IL1RAPL1: variants seen among roughly 807,000 people sequenced by gnomAD.
IL1RAPL1 encodes the protein interleukin 1 receptor accessory protein like 1.
A neutral mutation model predicts 48.4 loss-of-function variants in IL1RAPL1; 3 were observed. The ratio of observed to expected loss-of-function variants is 0.06; its 90% CI spans 0.03 to 0.16. The LOEUF (loss-of-function observed/expected upper bound fraction) is 0.16. Among genes scored for constraint, IL1RAPL1 ranks in the 10% least tolerant of loss-of-function variants. The probability of loss-of-function intolerance (pLI) is 1.00; values close to 1 mark genes in which losing one functional copy is unlikely to be tolerated. For missense variants in IL1RAPL1, 349 were observed against 530.6 expected, an observed-to-expected ratio of 0.66 and a Z score of 3.36; for synonymous variants, 185 against 187.7, an observed-to-expected ratio of 0.99 and a Z score of 0.12.
chrX:29,218,078 AT>A (rs1272455317), intron 2 of IL1RAPL1, among the ~76,000 whole-genome samples: 1 of 111,604 alleles, frequency 9.0e-6, no homozygotes, highest in Non-Finnish European at 1.9e-5. Flanking sequence ...AAAAAATCTC[AT>A]TTGTTTCCTC....
chrX:29,903,219 CTCTTT>C (rs756795222), intron 6 of IL1RAPL1, among the ~76,000 whole-genome samples: 7 of 98,721 alleles, frequency 7.1e-5, no homozygotes, highest in Non-Finnish European at 1.3e-4. Flanking sequence ...AGAAATTCTT[CTCTTT>C]TTTCATTTCT....
intron 1 of IL1RAPL1, among the ~76,000 whole-genome samples, chrX:28,608,961 A>G (rs1281298183): frequency 8.9e-6 from 1 of 112,463 alleles, no homozygotes; most frequent in African/African-American, 3.2e-5. Context: ...TAAAGAATGA[A>G]ATAAAGTTAC....
chrX:29,498,228 C>T (rs1038576821), intron 5 of IL1RAPL1, among the ~76,000 whole-genome samples: 3 of 111,777 alleles, frequency 2.7e-5, no homozygotes, highest in Non-Finnish European at 5.6e-5. Flanking sequence ...TAGTCCCTCT[C>T]TATGGTATGC....
chrX:28,857,695 A>C (rs1336025002), intron 2 of IL1RAPL1, among the ~76,000 whole-genome samples: 1 of 111,432 alleles, frequency 9.0e-6, no homozygotes, highest in Non-Finnish European at 1.9e-5. Context: ...TTTCTTTCAA[A>C]ATATTACTGC....
intron 5 of IL1RAPL1, among the ~76,000 whole-genome samples, chrX:29,552,619 A>G (rs1318772927): frequency 1.8e-5 from 2 of 111,323 alleles, no homozygotes; most frequent in Non-Finnish European, 3.8e-5. Context: ...GTTTTACCAA[A>G]TTGAATGTTT....
At chrX:29,774,866 T>A (rs574284536) in intron 6 of IL1RAPL1, among the ~76,000 whole-genome samples, 1 of 112,425 alleles carries the variant, frequency 8.9e-6, no homozygotes, top group South Asian at 3.7e-4. Context: ...TTAAAATGCT[T>A]GAAAATCAAC....
chrX:29,015,160 A>G (rs1176704378), intron 2 of IL1RAPL1, among the ~76,000 whole-genome samples: 3 of 111,243 alleles, frequency 2.7e-5, no homozygotes, highest in Non-Finnish European at 5.7e-5. Flanking sequence ...TTGATTCTAA[A>G]CTATAGCTAA....
chrX:29,778,646 G>C, intron 6 of IL1RAPL1, among the ~76,000 whole-genome samples: 1 of 111,949 alleles, frequency 8.9e-6, no homozygotes, highest in Non-Finnish European at 1.9e-5. Flanking sequence ...TTTATTAGTT[G>C]ATGCCAGAAA....
chrX:28,838,636 G>A (rs976938402), intron 2 of IL1RAPL1, among the ~76,000 whole-genome samples: 1 of 109,850 alleles, frequency 9.1e-6, no homozygotes, highest in African/African-American at 3.3e-5. Flanking sequence ...AAACAAACTC[G>A]GGTTTTTGTC....
chrX:29,655,649 TC>T lies in IL1RAPL1; in HGVS notation c.704-12779del, dbSNP rs1253281723. Among the ~76,000 whole-genome samples, 136 of 46,281 alleles carry T rather than the reference TC, an allele frequency of 2.9e-3. 2 individuals are homozygous for T. The highest frequency in any genetic ancestry group is 0.012 in the African/African-American group (128 of 10,576). The allele number at this position is 46,281 out of a possible 115,157, so 40.2% of individuals were successfully genotyped here. ...CTGCACTCCAGCGTGGGTGACAGTCTCCAAAAAAAAAAAAAAAAAAAAAAAA... is the reference window on the plus strand; with the variant it reads ...CTGCACTCCAGCGTGGGTGACAGTCTCAAAAAAAAAAAAAAAAAAAAAAAA... On this transcript the variant is annotated intron_variant, in intron 5 of 10. Coordinates refer to ENST00000378993, the MANE Select transcript of IL1RAPL1 (RefSeq NM_014271.4).
At chrX:29,463,737 T>C (rs1315832172) in intron 5 of IL1RAPL1, among the ~76,000 whole-genome samples, 1 of 111,801 alleles carries the variant, frequency 8.9e-6, no homozygotes, top group Admixed American at 9.5e-5. Flanking sequence ...CTCCACTTAA[T>C]AGAATAAAGT....
At chrX:29,404,150 A>G (rs915198083) in intron 5 of IL1RAPL1, among the ~76,000 whole-genome samples, 87 of 112,221 alleles carry the variant, frequency 7.8e-4, no homozygotes, top group African/African-American at 2.7e-3. Context: ...AGTGTCATGT[A>G]TTCATAATTA....
At chrX:29,803,198 T>C (rs1298231042) in intron 6 of IL1RAPL1, among the ~76,000 whole-genome samples, 2 of 21,708 alleles carry the variant, frequency 9.2e-5, no homozygotes, top group Admixed American at 7.5e-4. Context: ...TATGTATACA[T>C]ATACACACAT....
chrX:28,775,817 C>CA (rs777092285), intron 1 of IL1RAPL1, among the ~76,000 whole-genome samples: 1 of 111,998 alleles, frequency 8.9e-6, no homozygotes, highest in Non-Finnish European at 1.9e-5. Flanking sequence ...TATGGCCTTT[C>CA]CATATGTTTT....
intron 2 of IL1RAPL1, among the ~76,000 whole-genome samples, chrX:29,224,865 T>A (rs1005152976): frequency 4.5e-5 from 5 of 112,295 alleles, no homozygotes; most frequent in African/African-American, 9.7e-5. Context: ...AAGTTAAAAC[T>A]TTTTTATGAG....
intron 6 of IL1RAPL1, among the ~76,000 whole-genome samples, chrX:29,888,828 G>A (rs1325760587): frequency 1.8e-5 from 2 of 111,392 alleles, no homozygotes; most frequent in Non-Finnish European, 3.8e-5. Context: ...AATCTGAATC[G>A]AGTGACTGGT....
At chrX:29,179,230 A>G (rs1368515134) in intron 2 of IL1RAPL1, among the ~76,000 whole-genome samples, 1 of 111,492 alleles carries the variant, frequency 9.0e-6, no homozygotes, top group African/African-American at 3.3e-5. Context: ...ACCCATGAGC[A>G]TGGAATGTTC....
At chrX:28,858,879 A>G (rs1404065600) in intron 2 of IL1RAPL1, among the ~76,000 whole-genome samples, 1 of 112,549 alleles carries the variant, frequency 8.9e-6, no homozygotes, top group African/African-American at 3.2e-5. Context: ...CAGAAGATAC[A>G]TTTGTTTGTT....
intron 6 of IL1RAPL1, among the ~76,000 whole-genome samples, chrX:29,807,621 C>CAAAAAAAAAAAA (rs60391165): frequency 2.7e-4 from 7 of 26,024 alleles, no homozygotes; most frequent in African/African-American, 3.7e-4. Context: ...TCTCTCAAGA[C>CAAAAAAAAAAAA]AAAAAAAAAA....
Sources: allele counts gnomAD v4.1 joint callset (sites outside exome capture counted in the v4.1 genomes callset), GRCh38; gene constraint gnomAD v4.1.1; transcripts MANE v1.5; gene names NCBI Gene and HGNC (gene_info 2026-07-23, HGNC 2026-07-21).